The following SKIC2 variants were observed in gnomAD, a reference collection of about 807,000 sequenced individuals.
SKIC2 encodes SKI2 subunit of superkiller complex.
chr6:31,968,783 A>G, the SKIC2 span: 1 of 1,612,086 alleles, frequency 6.2e-7, no homozygotes, highest in South Asian at 1.1e-5. The surrounding 1 kb of genome is among the most constrained non-coding windows in gnomAD (Gnocchi z 6.1). Flanking sequence ...CCTGAGTACC[A>G]TCAGCGAGTA....
chr6:31,966,263 AT>A, the SKIC2 span, among the ~76,000 whole-genome samples: 3,264 of 142,154 alleles, frequency 0.023, 55 homozygotes, highest in South Asian at 0.12. This position sits in a 1 kb window ranked among gnomAD's most constrained non-coding sequence, Gnocchi z 5.9. Context: ...GGCCTGGCTA[AT>A]TTTTTTTTTT....
the SKIC2 span, chr6:31,964,245 CAG>C: frequency 3.1e-6 from 5 of 1,613,032 alleles, no homozygotes; most frequent in Non-Finnish European, 4.2e-6. This position sits in a 1 kb window ranked among gnomAD's most constrained non-coding sequence, Gnocchi z 5.0. Context: ...CTGCACATGT[CAG>C]AGCTCCTGAA....
chr6:31,962,644 A>T, the SKIC2 span: 1 of 1,608,032 alleles, frequency 6.2e-7, no homozygotes, highest in Non-Finnish European at 8.5e-7. The surrounding 1 kb of genome is among the most constrained non-coding windows in gnomAD (Gnocchi z 5.0). Context: ...GCCGTTGTGG[A>T]GAGTGTGCTG....
chr6:31,962,361 A>G, the SKIC2 span: 1 of 1,503,072 alleles, frequency 6.7e-7, no homozygotes, highest in Non-Finnish European at 9.3e-7. This position sits in a 1 kb window ranked among gnomAD's most constrained non-coding sequence, Gnocchi z 5.0. Flanking sequence ...GCATGCTTCC[A>G]CGAGGGCTCC....
the SKIC2 span, chr6:31,960,956 G>A: frequency 6.5e-6 from 7 of 1,070,680 alleles, no homozygotes; most frequent in Admixed American, 5.1e-5. Context: ...CATCTGTCCT[G>A]TAAATGGTAT....
the SKIC2 span, chr6:31,961,034 C>T: frequency 1.2e-6 from 2 of 1,603,596 alleles, no homozygotes; most frequent in African/African-American, 2.7e-5. Context: ...ATGTCCCTAT[C>T]CTACAGATCT....
chr6:31,962,540 T>C, the SKIC2 span: 1 of 1,614,098 alleles, frequency 6.2e-7, no homozygotes, highest in African/African-American at 1.3e-5. The surrounding 1 kb of genome is among the most constrained non-coding windows in gnomAD (Gnocchi z 5.0). Context: ...GATGTACAGC[T>C]GCATCCGGAG....
chr6:31,964,729 C>T, the SKIC2 span, among the ~76,000 whole-genome samples: 1 of 152,164 alleles, frequency 6.6e-6, no homozygotes, highest in Non-Finnish European at 1.5e-5. This position sits in a 1 kb window ranked among gnomAD's most constrained non-coding sequence, Gnocchi z 5.0. Flanking sequence ...CTAGTTCATG[C>T]CGAGTGTTGC....
At chr6:31,969,457 G>A in the SKIC2 span, 1 of 1,614,006 alleles carries the variant, frequency 6.2e-7, no homozygotes, top group African/African-American at 1.3e-5. The surrounding 1 kb of genome is among the most constrained non-coding windows in gnomAD (Gnocchi z 6.1). Flanking sequence ...CAGACGGCTG[G>A]CTGGGGAGAA....
chr6:31,960,869 A>G, the SKIC2 span: 7 of 902,866 alleles, frequency 7.8e-6, no homozygotes, highest in African/African-American at 1.7e-5. Flanking sequence ...CTTTACTGTC[A>G]TCTGCTGGGA....
chr6:31,963,917 G>A, the SKIC2 span: 42 of 1,609,420 alleles, frequency 2.6e-5, no homozygotes, highest in South Asian at 2.1e-4. This position sits in a 1 kb window ranked among gnomAD's most constrained non-coding sequence, Gnocchi z 5.3. Context: ...CTCCAGGACC[G>A]CGGAGTGTAC....
chr6:31,963,614 G>T, the SKIC2 span: 1 of 1,530,968 alleles, frequency 6.5e-7, no homozygotes, highest in Admixed American at 2.2e-5. This position sits in a 1 kb window ranked among gnomAD's most constrained non-coding sequence, Gnocchi z 5.3. Context: ...TGGACATTGT[G>T]GCTACCCCTC....
the SKIC2 span, chr6:31,964,347 A>G: frequency 1.2e-6 from 2 of 1,609,612 alleles, no homozygotes; most frequent in South Asian, 1.1e-5. The surrounding 1 kb of genome is among the most constrained non-coding windows in gnomAD (Gnocchi z 5.0). Flanking sequence ...GTCAAGGTGC[A>G]TGTGGTGGTG....
At chr6:31,961,967 A>C in the SKIC2 span, 18 of 1,612,862 alleles carry the variant, frequency 1.1e-5, no homozygotes, top group Non-Finnish European at 1.5e-5. Context: ...GAACGGCATG[A>C]CTCTGTCTTT....
the SKIC2 span, chr6:31,969,252 G>T: frequency 8.1e-6 from 13 of 1,612,680 alleles, no homozygotes; most frequent in African/African-American, 8.0e-5. This position sits in a 1 kb window ranked among gnomAD's most constrained non-coding sequence, Gnocchi z 6.1. Flanking sequence ...CAGGAAGGCA[G>T]GCCTTAACCT....
the SKIC2 span, chr6:31,960,412 G>A: frequency 6.2e-7 from 1 of 1,603,244 alleles, no homozygotes; most frequent in Non-Finnish European, 8.5e-7. Context: ...CCTCATTGGG[G>A]CTCTGATCTC....
the SKIC2 span, chr6:31,967,269 TC>T: frequency 6.2e-7 from 1 of 1,612,852 alleles, no homozygotes; most frequent in Non-Finnish European, 8.5e-7. The surrounding 1 kb of genome is among the most constrained non-coding windows in gnomAD (Gnocchi z 4.9). Flanking sequence ...CCTTTGCTCT[TC>T]AGCGACGCAT....
At chr6:31,960,915 A>G in the SKIC2 span, 1 of 905,028 alleles carries the variant, frequency 1.1e-6, no homozygotes, top group South Asian at 1.4e-5. Flanking sequence ...ATCTGTTGGG[A>G]AAGTGTCATA....
At chr6:31,969,006 G>A in the SKIC2 span, 1 of 1,612,874 alleles carries the variant, frequency 6.2e-7, no homozygotes, top group Non-Finnish European at 8.5e-7. This position sits in a 1 kb window ranked among gnomAD's most constrained non-coding sequence, Gnocchi z 6.1. Flanking sequence ...CCTGCGGCCT[G>A]AGGAGATTGC....
Sources: allele counts gnomAD v4.1 joint callset (sites outside exome capture counted in the v4.1 genomes callset), GRCh38; gene constraint gnomAD v4.1.1; non-coding constraint Gnocchi (gnomAD v3.1); transcripts MANE v1.5; gene names NCBI Gene and HGNC (gene_info 2026-07-23, HGNC 2026-07-21).